Variants in PRAMEF17 observed in about 807,000 individuals in gnomAD.
PRAMEF17 encodes PRAME family member 17.
Under a neutral mutation model 36.8 loss-of-function variants are expected in PRAMEF17, and 48 were observed. That is an observed-to-expected ratio of 1.30 (90% confidence interval 1.03 to 1.66). The LOEUF (loss-of-function observed/expected upper bound fraction) is 1.66, where lower values mean the gene tolerates loss of function less well. Among genes scored for constraint, PRAMEF17 ranks in the 40% most tolerant of loss-of-function variants. The pLI, the probability that PRAMEF17 is intolerant of heterozygous loss-of-function variation, is 0.00. For missense variants in PRAMEF17, 639 were observed against 560.6 expected (o/e 1.14, Z -1.41); for synonymous variants, 246 against 220.4 (o/e 1.12, Z -1.03).
In PRAMEF17 at chr1:13,392,461, T is replaced by A; in HGVS notation, c.1384T>A (p.Ser462Thr). The change falls in exon 3 of 3, where the codon TCA (serine) becomes ACA (threonine). Residue 462 changes from serine to threonine, a missense_variant. Transcript: ENST00000376098. ...TCCCATCCCCTGCCCTTCCTGTGGC[T>A]CATGGCCATCTGAGAAAGTGGACTT... ...FGPIPCPSCGSWPSEKVDFHL... is the reference protein window; with the variant it reads ...FGPIPCPSCGTWPSEKVDFHL... 1 of 1,612,056 alleles carries A rather than the reference T, an allele frequency of 6.2e-7. No homozygotes were observed. The highest frequency in any genetic ancestry group is 8.5e-7 in the Non-Finnish European group (1 of 1,179,866).
At chr1:13,390,169 T>C (rs1171570522) in intron 1 of PRAMEF17, among the ~76,000 whole-genome samples, 172 bp from the exon 2 acceptor site, 1 of 151,892 alleles carries the variant, frequency 6.6e-6, no homozygotes, top group East Asian at 1.9e-4. Context: ...AAGGTAAAGG[T>C]TCTAGAAGTG....
In PRAMEF17 at chr1:13,392,408, T is replaced by G. The variant is rs1640898166; in HGVS notation, c.1331T>G (p.Val444Gly). 1.9e-6 allele frequency: 3 copies of G among 1,611,778 alleles called. No homozygotes were observed. The African/African-American group carries it at 4.0e-5, about 22-fold the overall frequency. Residue 444 changes from valine to glycine, a missense_variant, in exon 3 of 3, where the codon GTC becomes GGC. By Grantham distance (109) the Val-to-Gly change is moderately radical. Coordinates refer to ENST00000376098, the MANE Select transcript of PRAMEF17 (RefSeq NM_001099851.3). ...RAELMCTLREVRQPKRIFFGP... is the reference protein window; with the variant it reads ...RAELMCTLREGRQPKRIFFGP... Reference sequence around the variant, plus strand: ...GAGCTGATGTGTACACTCAGGGAAGTCAGGCAGCCCAAGAGGATCTTTTTT... The same window carrying G: ...GAGCTGATGTGTACACTCAGGGAAGGCAGGCAGCCCAAGAGGATCTTTTTT...
Position 13,390,500 on chromosome 1 carries a change from G to A in PRAMEF17, c.447G>A (p.Val149=). 1 of 1,611,998 alleles carries A rather than the reference G, an allele frequency of 6.2e-7. No individual in the cohort carries two copies. The highest frequency in any genetic ancestry group is 8.5e-7 in the Non-Finnish European group (1 of 1,179,862). Reference sequence around the variant, plus strand: ...CGGGAGAGCACCAGCCCTTGAAGGTGTTCATAGACCTCTGCCAAAAGGAAA... The same window carrying A: ...CGGGAGAGCACCAGCCCTTGAAGGTATTCATAGACCTCTGCCAAAAGGAAA... ...PRTGEHQPLK[V]FIDLCQKEST... is the part of the protein sequence containing the mutation. Residue 149 remains valine, a synonymous_variant, in exon 2 of 3, where the codon GTG becomes GTA. Transcript: ENST00000376098.
Position 13,392,401 on chromosome 1 carries a change from A to G in PRAMEF17, c.1324A>G (p.Arg442Gly), listed in dbSNP as rs1186988126. 1.2e-6 allele frequency: 2 copies of G among 1,611,980 alleles called. No individual in the cohort carries two copies. The highest frequency in any genetic ancestry group is 2.2e-5 in the East Asian group (1 of 44,862). ...PIRAELMCTL[R>G]EVRQPKRIFF... Reference sequence around the variant, plus strand: ...TCGGGCTGAGCTGATGTGTACACTCAGGGAAGTCAGGCAGCCCAAGAGGAT... The same window carrying G: ...TCGGGCTGAGCTGATGTGTACACTCGGGGAAGTCAGGCAGCCCAAGAGGAT... Residue 442 changes from arginine (R) to glycine (G), a missense_variant, in exon 3 of 3, where the codon AGG becomes GGG. Transcript: ENST00000376098.
rs759718960 is a variant in PRAMEF17, at chr1:13,392,148, G to A, written c.1071G>A (p.Lys357=). Residue 357 remains lysine, a synonymous_variant, in exon 3 of 3, where the codon AAG becomes AAA. Coordinates refer to ENST00000376098, the MANE Select transcript of PRAMEF17 (RefSeq NM_001099851.3). ...CTACTCTCGAGATCCTCACGTTAAAGGACTGTCAGATCCAGGACTCCCAGC... is the reference window on the plus strand; with the variant it reads ...CTACTCTCGAGATCCTCACGTTAAAAGACTGTCAGATCCAGGACTCCCAGC... ...VAATLEILTL[K]DCQIQDSQLR... The A allele has an allele frequency of 2.1e-5, 34 of 1,611,828 alleles. 1 individual carries two copies. In the South Asian group the frequency reaches 2.6e-4, roughly 13 times the overall value.
intron 2 of PRAMEF17, 54 bp downstream of exon 2, chr1:13,390,973 T>C: frequency 1.2e-6 from 2 of 1,610,246 alleles, no homozygotes; most frequent in Non-Finnish European, 1.7e-6. Flanking sequence ...CTTTTGTTCT[T>C]TTTCACAGTA....
rs1216519598 is a variant in PRAMEF17 at position 13,390,341 on chromosome 1, G to C, written c.288G>C (p.Arg96Ser). ...DTLLAQKLRP[R>S]RWKLQVLDLR... ...AGCTTTTCCCCTATGTTACTCACAGGAGGTGGAAACTTCAAGTGCTGGATT... is the reference window on the plus strand; with the variant it reads ...AGCTTTTCCCCTATGTTACTCACAGCAGGTGGAAACTTCAAGTGCTGGATT... The change falls in exon 2 of 3, where the codon AGG (arginine) becomes AGC (serine). Residue 96 changes from arginine to serine, a missense_variant and splice_region_variant. Coordinates refer to ENST00000376098, the MANE Select transcript of PRAMEF17 (RefSeq NM_001099851.3). 1.2e-6 allele frequency: 2 copies of C among 1,611,950 alleles called. No individual in the cohort carries two copies. The highest frequency in any genetic ancestry group is 2.7e-5 in the African/African-American group (2 of 74,956).
chr1:13,391,730 A>G (rs1475114138), intron 2 of PRAMEF17, among the ~76,000 whole-genome samples: 4 of 152,178 alleles, frequency 2.6e-5, no homozygotes, highest in Non-Finnish European at 5.9e-5. Context: ...GGTCTTCATC[A>G]GGCAGCACCT....
Position 13,389,939 on chromosome 1 carries a change from C to T in PRAMEF17, c.282C>T (p.Arg94=). ...GLDTLLAQKL[R]PRRWKLQVLD... ...ATACACTGCTGGCCCAGAAGCTTCG[C>T]CCCAGGTGAGGTGACTCAGGTGGCC... Residue 94 remains arginine, a synonymous_variant, in exon 1 of 3, where the codon CGC becomes CGT. Transcript: ENST00000376098. 1.2e-6 allele frequency: 2 copies of T among 1,612,526 alleles called. No individual in the cohort carries two copies. The highest frequency in any genetic ancestry group is 2.2e-5 in the South Asian group (2 of 91,002).
rs1474278450 is a variant in PRAMEF17, at chr1:13,389,762, C to T, written c.105C>T (p.Val35=). The change falls in exon 1 of 3, where the codon GTC becomes GTT. Residue 35 remains valine, a synonymous_variant. Transcript: ENST00000376098. ...TCCTGGACGAGCTGCCCAGGGAGGT[C>T]TTCCCTCTGATGTTCATGGAGGCCT... The part of the protein sequence containing the change: ...IFILDELPRE[V]FPLMFMEASS... The T allele has an allele frequency of 6.2e-7, 1 of 1,612,566 alleles. No individual in the cohort carries two copies. Among genetic ancestry groups the T allele is most frequent in the East Asian group, 2.2e-5 (1 of 44,866 alleles).
chr1:13,392,163 G>A lies in PRAMEF17; in HGVS notation c.1086G>A (p.Gln362=), dbSNP rs2100409123. ...TCACGTTAAAGGACTGTCAGATCCA[G>A]GACTCCCAGCTCAGGGTCCTCCTGC... ...EILTLKDCQI[Q]DSQLRVLLPA... The change falls in exon 3 of 3, where the codon CAG becomes CAA. Residue 362 remains glutamine, a synonymous_variant. Coordinates refer to ENST00000376098, the MANE Select transcript of PRAMEF17 (RefSeq NM_001099851.3). The A allele has an allele frequency of 2.5e-6, 4 of 1,611,962 alleles. No homozygotes were observed. The highest frequency in any genetic ancestry group is 3.4e-6 in the Non-Finnish European group (4 of 1,179,844).
rs774314137 is a variant in PRAMEF17 at position 13,392,420 on chromosome 1, A to G, written c.1343A>G (p.Lys448Arg). The change falls in exon 3 of 3, where the codon AAG (lysine) becomes AGG (arginine). Residue 448 changes from lysine to arginine, a missense_variant. Physicochemically the swap from Lys to Arg is conservative, Grantham distance 26. Coordinates refer to ENST00000376098, the MANE Select transcript of PRAMEF17 (RefSeq NM_001099851.3). Reference sequence around the variant, plus strand: ...ACACTCAGGGAAGTCAGGCAGCCCAAGAGGATCTTTTTTGGTCCCATCCCC... The same window carrying G: ...ACACTCAGGGAAGTCAGGCAGCCCAGGAGGATCTTTTTTGGTCCCATCCCC... Reference protein sequence around the residue: ...MCTLREVRQPKRIFFGPIPCP... With the variant: ...MCTLREVRQPRRIFFGPIPCP... 3 of 1,611,970 alleles carry G rather than the reference A, an allele frequency of 1.9e-6. No individual in the cohort carries two copies. Among genetic ancestry groups the G allele is most frequent in the South Asian group, 1.1e-5 (1 of 90,980 alleles).
rs1474710964 is a variant in PRAMEF17 at position 13,391,979 on chromosome 1, G to A, written c.902G>A (p.Cys301Tyr). 3 of 1,611,552 alleles carry A rather than the reference G, an allele frequency of 1.9e-6. No homozygotes were observed. The highest frequency in any genetic ancestry group is 2.5e-6 in the Non-Finnish European group (3 of 1,179,780). ...LKNPLGTFIF[C>Y]HAYLADQDME... ...AACCCCTTGGGAACCTTTATATTCT[G>A]TCATGCTTACCTAGCTGATCAGGAC... The change falls in exon 3 of 3, where the codon TGT (cysteine) becomes TAT (tyrosine). Residue 301 changes from cysteine to tyrosine, a missense_variant. Physicochemically the swap from Cys to Tyr is radical, Grantham distance 194. Coordinates refer to ENST00000376098, the MANE Select transcript of PRAMEF17 (RefSeq NM_001099851.3).
chr1:13,389,737 T>G lies in PRAMEF17; in HGVS notation c.80T>G (p.Ile27Ser). 1 of 1,612,264 alleles carries G rather than the reference T, an allele frequency of 6.2e-7. No homozygotes were observed. Among genetic ancestry groups the G allele is most frequent in the Non-Finnish European group, 8.5e-7 (1 of 1,180,002 alleles). Residue 27 changes from isoleucine to serine, a missense_variant, in exon 1 of 3, where the codon ATC becomes AGC. Ile to Ser is a moderately radical substitution (Grantham distance 142). Transcript: ENST00000376098. ...AGGAACCAGTTCTTGACCATCTTCA[T>G]CCTGGACGAGCTGCCCAGGGAGGTC... ...LLRNQFLTIF[I>S]LDELPREVFP... is the part of the protein sequence containing the mutation.
intron 1 of PRAMEF17, 142 bp downstream of exon 1, chr1:13,390,086 C>G: frequency 7.1e-7 from 1 of 1,404,022 alleles, no homozygotes; most frequent in Non-Finnish European, 9.7e-7. Context: ...GACCATTGCC[C>G]AGATCCTCTG....
chr1:13,391,965 A>G lies in PRAMEF17; in HGVS notation c.888A>G (p.Gly296=), dbSNP rs201387011. 87,590 of 1,463,448 alleles carry G rather than the reference A, an allele frequency of 0.06. 6,963 individuals are homozygous for G. Among genetic ancestry groups the G allele is most frequent in the East Asian group, 0.15 (6,381 of 42,314 alleles). The allele number at this position is 1,463,448 out of a possible 1,614,324, so 90.7% of individuals were successfully genotyped here. The change falls in exon 3 of 3, where the codon GGA becomes GGG. Residue 296 remains glycine, a synonymous_variant. Transcript: ENST00000376098. ...CCAGGTGCCTCAAGAACCCCTTGGG[A>G]ACCTTTATATTCTGTCATGCTTACC... ...HLLRCLKNPL[G]TFIFCHAYLA...
Position 13,392,557 on chromosome 1 carries a change from A to G in PRAMEF17, c.*55A>G, listed in dbSNP as rs1640900703. ...TTTCTTCAGGACCCTTAGGCACTAA[A>G]ATCTAGGACACAGGTGGGTTTTTTT... On this transcript the variant is annotated 3_prime_UTR_variant, in exon 3 of 3. Coordinates refer to ENST00000376098, the MANE Select transcript of PRAMEF17 (RefSeq NM_001099851.3). 6.2e-7 allele frequency: 1 copy of G among 1,604,114 alleles called. No homozygotes were observed. Among genetic ancestry groups the G allele is most frequent in the Non-Finnish European group, 8.5e-7 (1 of 1,177,398 alleles).
Position 13,392,250 on chromosome 1 carries a change from G to C in PRAMEF17, c.1173G>C (p.Thr391=). Residue 391 remains threonine, a synonymous_variant, in exon 3 of 3, where the codon ACG becomes ACC. Coordinates refer to ENST00000376098, the MANE Select transcript of PRAMEF17 (RefSeq NM_001099851.3). ...ACTTTCGCGGAAATGAGACCTCCAC[G>C]AATGCTCTGAAAGACCTGCTGTGTC... ...TFYFRGNETS[T]NALKDLLCHT... The C allele has an allele frequency of 6.2e-7, 1 of 1,611,962 alleles. No individual in the cohort carries two copies. Among genetic ancestry groups the C allele is most frequent in the East Asian group, 2.2e-5 (1 of 44,868 alleles).
rs1640855685 is a variant in PRAMEF17 at position 13,389,818 on chromosome 1, T to C, written c.161T>C (p.Leu54Pro). The C allele has an allele frequency of 6.2e-7, 1 of 1,613,412 alleles. No individual in the cohort carries two copies. The highest frequency in any genetic ancestry group is 8.5e-7 in the Non-Finnish European group (1 of 1,180,032). The change falls in exon 1 of 3, where the codon CTG becomes CCG. Residue 54 changes from leucine to proline, a missense_variant. By Grantham distance (98) the Leu-to-Pro change is moderately conservative. Transcript: ENST00000376098. ...ATGAGACATTTTGAGGCCCTGAAGCTGATGGTGCAGGCCTGGCCCTTCCTC... is the reference window on the plus strand; with the variant it reads ...ATGAGACATTTTGAGGCCCTGAAGCCGATGGTGCAGGCCTGGCCCTTCCTC... ...SSMRHFEALKLMVQAWPFLRL... is the reference protein window; with the variant it reads ...SSMRHFEALKPMVQAWPFLRL...
Sources: allele counts gnomAD v4.1 joint callset (sites outside exome capture counted in the v4.1 genomes callset), GRCh38; gene constraint gnomAD v4.1.1; transcripts MANE v1.5; gene names NCBI Gene and HGNC (gene_info 2026-07-23, HGNC 2026-07-21).